The following CSMD1 variants were observed in gnomAD, a reference collection of about 807,000 sequenced individuals.
CSMD1 encodes CUB and sushi domain-containing protein 1.
Under a neutral mutation model 417.5 loss-of-function variants are expected in CSMD1, and 213 were observed. That is an observed-to-expected ratio of 0.51 (90% CI 0.46 to 0.57). The LOEUF (loss-of-function observed/expected upper bound fraction) is 0.57. Ranked by LOEUF, CSMD1 falls within the 20% of genes least tolerant of loss-of-function variation. CSMD1 has a pLI of 0.00. For missense variants in CSMD1, 6,923 were observed against 4,529.7 expected (o/e 1.53, Z -15.17); for synonymous variants, 2,862 against 1,736.8 (o/e 1.65, Z -16.11).
chr8:4,929,752 A>G (rs114952237), intron 1 of CSMD1, among the ~76,000 whole-genome samples: 1,864 of 152,226 alleles, frequency 0.012, 29 homozygotes, highest in African/African-American at 0.041. Context: ...ACCCTAAGCC[A>G]TGGTTATTAT....
chr8:3,781,942 C>T (rs535202143), intron 5 of CSMD1, among the ~76,000 whole-genome samples: 1 of 151,892 alleles, frequency 6.6e-6, no homozygotes, highest in South Asian at 2.1e-4. Flanking sequence ...TCTCACATGC[C>T]AACTCCATTA....
At chr8:3,806,984 T>C (rs1188458856) in intron 5 of CSMD1, among the ~76,000 whole-genome samples, 1 of 152,186 alleles carries the variant, frequency 6.6e-6, no homozygotes, top group East Asian at 1.9e-4. Flanking sequence ...TTCTAGCTAC[T>C]AGGTGCCAGA....
rs61494901 is a variant in CSMD1, at chr8:3,714,561, CA to C, written c.932-6071del. The stretch of plus-strand genomic sequence containing the variant: ...ACATGGCGAAACCCCATCTCTATCC[CA>C]AAAAAAAAAAAAAAAAAAATTAGCC... On this transcript the variant is annotated intron_variant, in intron 6 of 69. Coordinates refer to ENST00000635120, the MANE Select transcript of CSMD1 (RefSeq NM_033225.6). Among the ~76,000 whole-genome samples the C allele has an allele frequency of 5.9e-3, 418 of 70,596 alleles. 12 individuals are homozygous for C. In the Middle Eastern group the frequency reaches 0.07, roughly 12 times the overall value. 46.3% of individuals were successfully genotyped at this position (70,596 alleles called of 152,430 possible).
chr8:4,039,410 A>G (rs17068673), intron 3 of CSMD1, among the ~76,000 whole-genome samples: 32,051 of 152,170 alleles, frequency 0.21, 3,789 homozygotes, highest in East Asian at 0.45. Flanking sequence ...CTGGTTATAT[A>G]ATTTTCAGGA....
intron 1 of CSMD1, among the ~76,000 whole-genome samples, chr8:4,854,101 C>T (rs1277211617): frequency 6.6e-6 from 1 of 152,078 alleles, no homozygotes; most frequent in Non-Finnish European, 1.5e-5. Flanking sequence ...GGACATGAGA[C>T]ATAGAACTTT....
intron 1 of CSMD1, among the ~76,000 whole-genome samples, chr8:4,845,467 G>C (rs1801087558): frequency 1.3e-5 from 2 of 152,186 alleles, no homozygotes; most frequent in African/African-American, 2.4e-5. Flanking sequence ...AGTGCAATCA[G>C]CAAAACATCT....
rs555584665 is a variant in CSMD1 at position 4,655,032 on chromosome 8, C to T, written c.86-17474G>A. Among the ~76,000 whole-genome samples, 6 of 89,246 alleles carry T rather than the reference C, an allele frequency of 6.7e-5. No individual in the cohort carries two copies. In the East Asian group the frequency reaches 9.5e-4, roughly 14 times the overall value. 58.5% of individuals were successfully genotyped at this position (89,246 alleles called of 152,430 possible). On this transcript the variant is annotated intron_variant, in intron 1 of 69. Coordinates refer to ENST00000635120, the MANE Select transcript of CSMD1 (RefSeq NM_033225.6). ...GGCCAAGCATTTGATACAGATGTACCTCCAAAAAAAAAAAAAGCTTAAATC... is the reference window on the plus strand; with the variant it reads ...GGCCAAGCATTTGATACAGATGTACTTCCAAAAAAAAAAAAAGCTTAAATC...
chr8:4,275,914 T>A (rs1563373952), intron 3 of CSMD1, among the ~76,000 whole-genome samples: 3 of 152,308 alleles, frequency 2.0e-5, no homozygotes, highest in Non-Finnish European at 2.9e-5. Flanking sequence ...AACAGGATTG[T>A]TTAAATGATA....
chr8:3,756,823 T>C (rs576973147), intron 5 of CSMD1, among the ~76,000 whole-genome samples: 1 of 152,026 alleles, frequency 6.6e-6, no homozygotes, highest in African/African-American at 2.4e-5. Flanking sequence ...TGAGACAGTG[T>C]CTTGCTCTTT....
intron 7 of CSMD1, among the ~76,000 whole-genome samples, chr8:3,635,111 G>A (rs1477426706): frequency 1.3e-5 from 2 of 152,104 alleles, no homozygotes; most frequent in East Asian, 1.9e-4. Flanking sequence ...GGGCCTTGAC[G>A]TTGCTCTGGG....
intron 11 of CSMD1, among the ~76,000 whole-genome samples, chr8:3,484,835 C>G (rs556517804): frequency 5.3e-5 from 8 of 152,136 alleles, no homozygotes; most frequent in African/African-American, 1.7e-4. Flanking sequence ...TGTTCAGTAT[C>G]ATTAGCCATC....
chr8:3,583,872 C>G (rs1363727518), intron 9 of CSMD1, among the ~76,000 whole-genome samples: 1 of 151,750 alleles, frequency 6.6e-6, no homozygotes, highest in Admixed American at 6.6e-5. Flanking sequence ...TCTTATCCAT[C>G]TTATCAACTG....
At chr8:3,107,927 G>C in intron 44 of CSMD1, 129 bp from the exon 45 acceptor site, 1 of 579,272 alleles carries the variant, frequency 1.7e-6, no homozygotes. Flanking sequence ...CTCTATTCCT[G>C]AATCATAGCT....
chr8:4,669,588 G>A (rs1471098638), intron 1 of CSMD1, among the ~76,000 whole-genome samples: 2 of 152,264 alleles, frequency 1.3e-5, no homozygotes, highest in South Asian at 2.1e-4. Context: ...CACTCTGGAA[G>A]CATTAGGGTA....
At chr8:4,325,562 T>C (rs1188614201) in intron 3 of CSMD1, among the ~76,000 whole-genome samples, 1 of 152,190 alleles carries the variant, frequency 6.6e-6, no homozygotes, top group Non-Finnish European at 1.5e-5. Context: ...GCCTACCTTG[T>C]TAGCTTTTCC....
intron 2 of CSMD1, among the ~76,000 whole-genome samples, chr8:4,440,633 G>A (rs1452023776): frequency 6.6e-6 from 1 of 152,156 alleles, no homozygotes; most frequent in African/African-American, 2.4e-5. Flanking sequence ...CAATGATAGG[G>A]AAGAAAAATT....
intron 7 of CSMD1, among the ~76,000 whole-genome samples, chr8:3,629,006 T>A (rs2449217): frequency 0.11 from 17,325 of 151,986 alleles, 1,176 homozygotes; most frequent in African/African-American, 0.17. Flanking sequence ...AAGAAAAAGA[T>A]AAAATAGAAT....
At chr8:4,408,719 A>G (rs1206395930) in intron 3 of CSMD1, among the ~76,000 whole-genome samples, 1 of 152,198 alleles carries the variant, frequency 6.6e-6, no homozygotes, top group Non-Finnish European at 1.5e-5. Context: ...CTCTCAGAAT[A>G]TGAACCTTGT....
chr8:3,293,321 G>T (rs1044726590), intron 25 of CSMD1, among the ~76,000 whole-genome samples: 3 of 151,918 alleles, frequency 2.0e-5, no homozygotes, highest in African/African-American at 7.3e-5. Context: ...TGCTCTTCTC[G>T]AGGAGTATCT....
Sources: gnomAD v4.1 joint callset for allele counts (sites outside exome capture counted in the v4.1 genomes callset) on GRCh38, gnomAD v4.1.1 for gene constraint, MANE v1.5 for transcripts, NCBI Gene and HGNC (gene_info 2026-07-23, HGNC 2026-07-21) for gene names.